Variants in GNAQ observed in about 807,000 individuals in gnomAD.
GNAQ encodes the protein G protein subunit alpha q, also known as guanine nucleotide-binding protein G(q) subunit alpha.
GNAQ carries 8 observed loss-of-function variants against 43.9 expected under a neutral mutation model. The ratio of observed to expected loss-of-function variants is 0.18; its 90% CI spans 0.11 to 0.33. GNAQ has a LOEUF of 0.33. Ranked by LOEUF, GNAQ falls within the 10% of genes least tolerant of loss-of-function variation. GNAQ has a pLI of 1.00. For synonymous variants in GNAQ, 155 were observed against 170.7 expected (o/e 0.91, Z 0.71); for missense variants, 158 against 450.8 (o/e 0.35, Z 5.88).
intron 5 of GNAQ, among the ~76,000 whole-genome samples, chr9:77,776,575 G>C (rs1380951475): frequency 1.3e-5 from 2 of 152,106 alleles, no homozygotes; most frequent in Non-Finnish European, 2.9e-5. Context: ...GAACAATAGA[G>C]CCCCAAAACA....
chr9:77,878,440 C>G (rs1828160562), intron 2 of GNAQ, among the ~76,000 whole-genome samples: 1 of 152,068 alleles, frequency 6.6e-6, no homozygotes, highest in Admixed American at 6.5e-5. Context: ...CTGGATTCTT[C>G]ATCTCTAAGA....
chr9:78,023,920 A>AACACACACATATTGTATATGTGTGTATAT (rs1346744522), intron 1 of GNAQ, among the ~76,000 whole-genome samples: 21 of 148,296 alleles, frequency 1.4e-4, no homozygotes, highest in Admixed American at 7.3e-4. Flanking sequence ...TGTGTGTATA[A>AACACACACATATTGTATATGTGTGTATAT]ACACACACAT....
chr9:77,778,089 A>C (rs767129939), intron 5 of GNAQ, among the ~76,000 whole-genome samples: 7 of 152,054 alleles, frequency 4.6e-5, no homozygotes, highest in Non-Finnish European at 1.0e-4. Context: ...CAACTCAAGT[A>C]TCCATCAATA....
chr9:77,977,312 A>G (rs925628994), intron 1 of GNAQ, among the ~76,000 whole-genome samples: 33 of 152,268 alleles, frequency 2.2e-4, no homozygotes, highest in African/African-American at 7.5e-4. Flanking sequence ...GATTAAGGCC[A>G]AAAGCAAAAA....
chr9:77,865,985 C>G (rs1373144180), intron 2 of GNAQ, among the ~76,000 whole-genome samples: 3 of 152,138 alleles, frequency 2.0e-5, no homozygotes, highest in Non-Finnish European at 4.4e-5. Context: ...CCTTGAAGAA[C>G]TTACTGTTAA....
At chr9:77,869,647 C>T (rs899895824) in intron 2 of GNAQ, among the ~76,000 whole-genome samples, 3 of 152,116 alleles carry the variant, frequency 2.0e-5, no homozygotes, top group African/African-American at 7.2e-5. Flanking sequence ...AGGATAAAAT[C>T]CAAACTTCAA....
chr9:77,974,665 C>G (rs1346072506), intron 1 of GNAQ, among the ~76,000 whole-genome samples: 1 of 152,184 alleles, frequency 6.6e-6, no homozygotes, highest in East Asian at 1.9e-4. Context: ...CTGCCTAGTG[C>G]TATAGCTGCT....
At chr9:77,753,644 A>G (rs562110232) in intron 5 of GNAQ, among the ~76,000 whole-genome samples, 5 of 152,362 alleles carry the variant, frequency 3.3e-5, no homozygotes, top group South Asian at 2.1e-4. Context: ...GAGGAAGTAT[A>G]GCATGATAAT....
chr9:77,898,275 C>G (rs879811701), intron 2 of GNAQ, among the ~76,000 whole-genome samples: 16 of 152,192 alleles, frequency 1.1e-4, no homozygotes, highest in Non-Finnish European at 2.1e-4. Flanking sequence ...AGCTTTTGGG[C>G]TCTTGGGTGA....
intron 2 of GNAQ, among the ~76,000 whole-genome samples, chr9:77,826,383 C>G (rs1346852766): frequency 6.6e-6 from 1 of 152,190 alleles, no homozygotes; most frequent in African/African-American, 2.4e-5. Context: ...TATGTTGAAT[C>G]TGACTCCTAC....
At chr9:78,018,625 G>A (rs184858349) in intron 1 of GNAQ, among the ~76,000 whole-genome samples, 12 of 152,138 alleles carry the variant, frequency 7.9e-5, no homozygotes, top group Admixed American at 3.3e-4. Context: ...ATTTCTTCTC[G>A]ACTCAAACTT....
intron 1 of GNAQ, among the ~76,000 whole-genome samples, chr9:77,966,970 G>A (rs1823175516): frequency 6.6e-6 from 1 of 152,138 alleles, no homozygotes; most frequent in African/African-American, 2.4e-5. Context: ...CGGGCAGTCC[G>A]TCAGCGGCCG....
intron 5 of GNAQ, among the ~76,000 whole-genome samples, chr9:77,739,088 G>A (rs114662563): frequency 0.012 from 1,885 of 151,832 alleles, 40 homozygotes; most frequent in African/African-American, 0.042. Flanking sequence ...ATAACTTTCC[G>A]CAGGGGGTGA....
intron 2 of GNAQ, among the ~76,000 whole-genome samples, chr9:77,825,164 A>G (rs557613329): frequency 3.2e-4 from 48 of 152,334 alleles, no homozygotes; most frequent in African/African-American, 1.1e-3. Context: ...TTTAGAAACA[A>G]AAATACAGTA....
intron 1 of GNAQ, among the ~76,000 whole-genome samples, chr9:77,998,249 GGA>G (rs1272563014): frequency 3.3e-5 from 5 of 152,208 alleles, no homozygotes; most frequent in Non-Finnish European, 7.3e-5. Context: ...CAACAAATGA[GGA>G]GAGATAGGGC....
At chr9:77,790,218 T>C (rs940492721) in intron 5 of GNAQ, among the ~76,000 whole-genome samples, 1 of 152,228 alleles carries the variant, frequency 6.6e-6, no homozygotes, top group African/African-American at 2.4e-5. Flanking sequence ...CCTAAGCTTT[T>C]ACTTTTAACT....
chr9:77,778,119 T>G (rs1352565481), intron 5 of GNAQ, among the ~76,000 whole-genome samples: 5 of 151,936 alleles, frequency 3.3e-5, no homozygotes, highest in Admixed American at 1.3e-4. Context: ...AAATAAAAAC[T>G]TTTATTTTTC....
intron 2 of GNAQ, among the ~76,000 whole-genome samples, chr9:77,894,857 T>G (rs1368648976): frequency 6.6e-6 from 1 of 151,902 alleles, no homozygotes; most frequent in African/African-American, 2.4e-5. Flanking sequence ...TAATTATACC[T>G]CAATATAATA....
intron 5 of GNAQ, among the ~76,000 whole-genome samples, chr9:77,733,550 G>A (rs1412612615): frequency 6.6e-6 from 1 of 152,088 alleles, no homozygotes; most frequent in African/African-American, 2.4e-5. Context: ...TCAATATCCA[G>A]GTCAACCCAA....
Sources: gnomAD v4.1 joint callset for allele counts (sites outside exome capture counted in the v4.1 genomes callset) on GRCh38, gnomAD v4.1.1 for gene constraint, MANE v1.5 for transcripts, NCBI Gene and HGNC (gene_info 2026-07-23, HGNC 2026-07-21) for gene names.